Variants in PRKD1 observed in about 807,000 individuals in gnomAD.
PRKD1 encodes protein kinase D1.
Under a neutral mutation model 95.9 loss-of-function variants are expected in PRKD1, and 63 were observed. The observed-to-expected ratio is 0.66, with a 90% CI of 0.54 to 0.81. The LOEUF is 0.81. PRKD1 is among the 30% of genes least tolerant of loss of function. The pLI is 0.00. For synonymous variants in PRKD1, 425 were observed against 423.1 expected, an observed-to-expected ratio of 1.00 and a Z score of -0.05; for missense variants, 1,048 against 1,165.3, an observed-to-expected ratio of 0.90 and a Z score of 1.47.
intron 10 of PRKD1, 107 bp downstream of exon 10, chr14:29,630,635 A>G: frequency 2.8e-6 from 4 of 1,417,326 alleles, no homozygotes; most frequent in Non-Finnish European, 3.9e-6. Context: ...GTCATCCCCA[A>G]GAAGTCTTTC....
intron 1 of PRKD1, among the ~76,000 whole-genome samples, chr14:29,732,165 G>T (rs541073887): frequency 6.6e-6 from 1 of 152,034 alleles, no homozygotes; most frequent in Admixed American, 6.6e-5. Context: ...GAGTCACTGC[G>T]CTGGACCAAC....
intron 2 of PRKD1, among the ~76,000 whole-genome samples, chr14:29,716,474 G>A (rs1885615341): frequency 6.6e-6 from 1 of 152,156 alleles, no homozygotes; most frequent in Admixed American, 6.6e-5. Context: ...AGGGGAAGAA[G>A]GAACAGCAGG....
At chr14:29,723,498 T>C (rs1885997284) in intron 2 of PRKD1, among the ~76,000 whole-genome samples, 1 of 151,954 alleles carries the variant, frequency 6.6e-6, no homozygotes, top group Admixed American at 6.6e-5. Context: ...GAGATATGGG[T>C]AAGAAACAGG....
At chr14:29,723,897 C>T (rs2078788505) in intron 2 of PRKD1, among the ~76,000 whole-genome samples, 1 of 152,044 alleles carries the variant, frequency 6.6e-6, no homozygotes, top group Non-Finnish European at 1.5e-5. Flanking sequence ...GCCCTCTCAA[C>T]AACTGTGGCC....
At chr14:29,754,825 T>C (rs1887625100) in intron 1 of PRKD1, among the ~76,000 whole-genome samples, 1 of 152,126 alleles carries the variant, frequency 6.6e-6, no homozygotes. Context: ...TTCATAAAAT[T>C]TTTGAAGTTT....
At chr14:29,645,860 C>A (rs1011946350) in intron 4 of PRKD1, among the ~76,000 whole-genome samples, 1 of 152,108 alleles carries the variant, frequency 6.6e-6, no homozygotes, top group Non-Finnish European at 1.5e-5. Flanking sequence ...TGCTTACCCC[C>A]ACTCCTTACT....
At chr14:29,876,903 G>T (rs1444958541) in intron 1 of PRKD1, among the ~76,000 whole-genome samples, 1 of 152,120 alleles carries the variant, frequency 6.6e-6, no homozygotes, top group Non-Finnish European at 1.5e-5. Flanking sequence ...TGTAATCCTA[G>T]CACGTTGGGA....
At chr14:29,761,333 C>T (rs74318975) in intron 1 of PRKD1, among the ~76,000 whole-genome samples, 2 of 152,098 alleles carry the variant, frequency 1.3e-5, no homozygotes, top group African/African-American at 4.8e-5. Flanking sequence ...GAGTTCAATG[C>T]CCAAATTCAT....
intron 1 of PRKD1, among the ~76,000 whole-genome samples, chr14:29,783,510 C>A (rs1304970908): frequency 1.3e-5 from 2 of 152,146 alleles, no homozygotes; most frequent in African/African-American, 4.8e-5. Context: ...GCTACATACC[C>A]AGTAGTGGGA....
chr14:29,862,654 A>G (rs1415096402), intron 1 of PRKD1, among the ~76,000 whole-genome samples: 1 of 152,134 alleles, frequency 6.6e-6, no homozygotes, highest in Admixed American at 6.6e-5. Context: ...TCTGTTTGCC[A>G]TTTGCATGTC....
intron 1 of PRKD1, among the ~76,000 whole-genome samples, chr14:29,833,988 A>G (rs1394781320): frequency 6.6e-6 from 1 of 152,150 alleles, no homozygotes; most frequent in Non-Finnish European, 1.5e-5. Context: ...CACTTCCTAA[A>G]GAACATGTCC....
chr14:29,916,526 A>G (rs1168648700), intron 1 of PRKD1, among the ~76,000 whole-genome samples: 2 of 152,230 alleles, frequency 1.3e-5, no homozygotes, highest in East Asian at 3.9e-4. Context: ...CCTGCTTTTG[A>G]CAATGGTGAA....
intron 1 of PRKD1, among the ~76,000 whole-genome samples, chr14:29,851,136 T>C (rs1374138088): frequency 6.6e-6 from 1 of 152,074 alleles, no homozygotes; most frequent in Non-Finnish European, 1.5e-5. Flanking sequence ...CAAGAAAACC[T>C]AGAAAATGTC....
chr14:29,680,458 A>G (rs993515862), intron 2 of PRKD1, among the ~76,000 whole-genome samples: 4 of 152,188 alleles, frequency 2.6e-5, no homozygotes, highest in East Asian at 1.9e-4. Context: ...AGAGGAATAT[A>G]TAAGAAAGAA....
chr14:29,793,472 T>C (rs534576438), intron 1 of PRKD1, among the ~76,000 whole-genome samples: 2 of 152,112 alleles, frequency 1.3e-5, no homozygotes, highest in African/African-American at 4.8e-5. Flanking sequence ...GCGCTCTAAA[T>C]CCCAAATTCT....
intron 1 of PRKD1, among the ~76,000 whole-genome samples, chr14:29,836,608 G>T (rs1285645437): frequency 6.6e-6 from 1 of 152,174 alleles, no homozygotes; most frequent in Non-Finnish European, 1.5e-5. Flanking sequence ...AACTACAACT[G>T]CTGAGAAACT....
rs1880232137 is a variant in PRKD1, at chr14:29,634,442, G to A, written c.1290C>T (p.Val430=). 6.2e-7 allele frequency: 1 copy of A among 1,613,896 alleles called. No individual in the cohort carries two copies. The highest frequency in any genetic ancestry group is 1.3e-5 in the African/African-American group (1 of 74,886). The change falls in exon 8 of 18, where the codon GTC becomes GTT. Residue 430 remains valine, a synonymous_variant. Coordinates refer to ENST00000331968, the MANE Select transcript of PRKD1 (RefSeq NM_002742.3). ...CCAGCGTGTCCTTGCTGGTGTAGTG[G>A]ACCATCCATCCTTCTTTCATGACTG... ...SSTVMKEGWM[V]HYTSKDTLRK...
chr14:29,704,643 T>G (rs1452021033), intron 2 of PRKD1, among the ~76,000 whole-genome samples: 3 of 152,084 alleles, frequency 2.0e-5, no homozygotes, highest in African/African-American at 7.2e-5. Context: ...CTCAAGAGCA[T>G]TCACGTGGGA....
chr14:29,790,094 C>G (rs953040596), intron 1 of PRKD1, among the ~76,000 whole-genome samples: 2 of 148,890 alleles, frequency 1.3e-5, no homozygotes, highest in South Asian at 4.3e-4. Context: ...TCACTGCAAC[C>G]TCCACCTCCT....
Sources: gnomAD v4.1 joint callset for allele counts (sites outside exome capture counted in the v4.1 genomes callset) on GRCh38, gnomAD v4.1.1 for gene constraint, MANE v1.5 for transcripts, NCBI Gene and HGNC (gene_info 2026-07-23, HGNC 2026-07-21) for gene names.